ZNF805: variants seen among roughly 807,000 people sequenced by gnomAD.
ZNF805 encodes the protein zinc finger protein 805, also known as CTC-444N24.8.
A neutral mutation model predicts 13.6 loss-of-function variants in ZNF805; 7 were observed. The observed-to-expected ratio is 0.51, with a 90% CI of 0.29 to 0.97. The LOEUF is 0.97. Among genes scored for constraint, ZNF805 ranks in the 50% least tolerant of loss-of-function variants. The probability of loss-of-function intolerance (pLI) is 0.08; values close to 1 mark genes in which losing one functional copy is unlikely to be tolerated. For synonymous variants in ZNF805, 293 were observed against 279.8 expected (o/e 1.05, Z -0.47); for missense variants, 604 against 771.0 (o/e 0.78, Z 2.57).
Position 57,256,775 on chromosome 19 carries a change from C to T in ZNF805, c.*2072C>T, listed in dbSNP as rs1032098051. ...AGCACTTTATATCACTGATTTTTCT[C>T]CAGTCTCTGTTCTTAATTTCACTGA... On this transcript the variant is annotated 3_prime_UTR_variant, in exon 4 of 4. Coordinates refer to ENST00000414468, the MANE Select transcript of ZNF805 (RefSeq NM_001023563.4). 1.3e-5 allele frequency among the ~76,000 whole-genome samples: 2 copies of T among 151,988 alleles called. No individual in the cohort carries two copies. The highest frequency in any genetic ancestry group is 6.6e-5 in the Admixed American group (1 of 15,256).
chr19:57,254,505 T>C lies in ZNF805; in HGVS notation c.1686T>C (p.Thr562=). The C allele has an allele frequency of 6.2e-7, 1 of 1,614,216 alleles. No homozygotes were observed. The change falls in exon 4 of 4, where the codon ACT becomes ACC. Residue 562 remains threonine (T), a synonymous_variant. Coordinates refer to ENST00000414468, the MANE Select transcript of ZNF805 (RefSeq NM_001023563.4). ...SSLTQHQRMH[T]GRNPISVTDV... ...TCACTCAGCATCAAAGGATGCATACTGGGAGAAATCCTATCAGTGTAACAG... is the reference window on the plus strand; with the variant it reads ...TCACTCAGCATCAAAGGATGCATACCGGGAGAAATCCTATCAGTGTAACAG...
chr19:57,262,004 T>C lies in ZNF805; in HGVS notation c.*7301T>C, dbSNP rs554705055. 6.0e-6 allele frequency: 1 copy of C among 165,864 alleles called. No individual in the cohort carries two copies. Among genetic ancestry groups the C allele is most frequent in the Admixed American group, 6.5e-5 (1 of 15,292 alleles). 10.3% of individuals were successfully genotyped at this position (165,864 alleles called of 1,614,324 possible). A position where few individuals can be genotyped will look rare whatever the true frequency, so the allele number is the denominator to read the frequency against. On this transcript the variant is annotated 3_prime_UTR_variant, in exon 4 of 4. Coordinates refer to ENST00000414468, the MANE Select transcript of ZNF805 (RefSeq NM_001023563.4). The stretch of plus-strand genomic sequence containing the variant: ...TTGAGCACCCATTGCTCAGAGTTTA[T>C]ATTGGACTTGCTTTCTAGCACATAC...
intron 2 of ZNF805, 66 bp from the exon 3 acceptor site, chr19:57,248,539 C>G: frequency 7.2e-7 from 1 of 1,379,850 alleles, no homozygotes; most frequent in Non-Finnish European, 1.0e-6. Flanking sequence ...AAGTCCCAGA[C>G]TAGATTGAAG....
chr19:57,243,396 G>T (rs545094974), intron 1 of ZNF805, among the ~76,000 whole-genome samples: 1 of 152,242 alleles, frequency 6.6e-6, no homozygotes, highest in Admixed American at 6.5e-5. Context: ...GTCTGTTATT[G>T]GGAAAATGGG....
intron 2 of ZNF805, among the ~76,000 whole-genome samples, chr19:57,245,641 TG>T (rs2087611597): frequency 6.7e-6 from 1 of 149,570 alleles, no homozygotes; most frequent in African/African-American, 2.5e-5. Flanking sequence ...TAGCCGGGCG[TG>T]GTGGCGGGTG....
chr19:57,252,833 C>G (rs144207151), intron 3 of ZNF805, among the ~76,000 whole-genome samples: 1 of 152,082 alleles, frequency 6.6e-6, no homozygotes, highest in Non-Finnish European at 1.5e-5. Flanking sequence ...GGAATTGAAG[C>G]GATATCTCCA....
chr19:57,247,639 T>G (rs2087627222), intron 2 of ZNF805, among the ~76,000 whole-genome samples: 2 of 152,218 alleles, frequency 1.3e-5, no homozygotes, highest in Non-Finnish European at 2.9e-5. Context: ...AATCTCTGTT[T>G]CCACCAGTAC....
chr19:57,249,473 A>C (rs543651736), intron 3 of ZNF805, among the ~76,000 whole-genome samples: 1 of 152,256 alleles, frequency 6.6e-6, no homozygotes, highest in Non-Finnish European at 1.5e-5. Context: ...TAATCATGTG[A>C]TACATTAATG....
At chr19:57,243,258 T>C (rs1038423249) in intron 1 of ZNF805, among the ~76,000 whole-genome samples, 1 of 152,098 alleles carries the variant, frequency 6.6e-6, no homozygotes, top group African/African-American at 2.4e-5. Flanking sequence ...GGAGAATCTG[T>C]GGAGCTCCCT....
chr19:57,244,244 C>T (rs574955310), intron 2 of ZNF805, among the ~76,000 whole-genome samples, 195 bp downstream of exon 2: 1 of 134,722 alleles, frequency 7.4e-6, no homozygotes, highest in African/African-American at 2.9e-5. Flanking sequence ...TACTCTGTCA[C>T]CCAGGCTGGA....
At position 57,240,659 on chromosome 19, in the gene ZNF805, G is replaced by A. The variant is rs913545667; in HGVS notation, c.-233G>A. Reference sequence around the variant, plus strand: ...TTCCGTCCACGCCGGCTCTAGGGAGGGGGCGGTGTTCCGTGGCCGCCTCCC... The same window carrying A: ...TTCCGTCCACGCCGGCTCTAGGGAGAGGGCGGTGTTCCGTGGCCGCCTCCC... On this transcript the variant is annotated 5_prime_UTR_variant, in exon 1 of 4. Coordinates refer to ENST00000414468, the MANE Select transcript of ZNF805 (RefSeq NM_001023563.4). 23 of 508,390 alleles carry A rather than the reference G, an allele frequency of 4.5e-5. No homozygotes were observed. Among genetic ancestry groups the A allele is most frequent in the South Asian group, 2.9e-5 (1 of 34,280 alleles). 31.5% of individuals were successfully genotyped at this position (508,390 alleles called of 1,614,324 possible). A position where few individuals can be genotyped will look rare whatever the true frequency, so the allele number is the denominator to read the frequency against.
rs1444447330 is a variant in ZNF805, at chr19:57,255,425, G to C, written c.*722G>C. Among the ~76,000 whole-genome samples, 1 of 152,086 alleles carries C rather than the reference G, an allele frequency of 6.6e-6. No homozygotes were observed. Among genetic ancestry groups the C allele is most frequent in the Non-Finnish European group, 1.5e-5 (1 of 67,992 alleles). ...TTGCTTGGATTTTGATAGAAATTGA[G>C]TTAAATCTATAGATCAATGTGTTGG... On this transcript the variant is annotated 3_prime_UTR_variant, in exon 4 of 4. Coordinates refer to ENST00000414468, the MANE Select transcript of ZNF805 (RefSeq NM_001023563.4).
intron 1 of ZNF805, among the ~76,000 whole-genome samples, chr19:57,241,699 C>G (rs537651017): frequency 4.3e-4 from 41 of 95,176 alleles, no homozygotes; most frequent in African/African-American, 1.3e-3. Context: ...CTCCCTGGCT[C>G]AGCCCTTCAG....
In ZNF805 at chr19:57,258,436, G is replaced by GTTTT. The variant is rs1319009256; in HGVS notation, c.*3733_*3734insTTTT. Among the ~76,000 whole-genome samples, 1 of 63,296 alleles carries GTTTT rather than the reference G, an allele frequency of 1.6e-5. No homozygotes were observed. The highest frequency in any genetic ancestry group is 7.2e-5 in the African/African-American group (1 of 13,888). The allele number at this position is 63,296 out of a possible 152,430, so 41.5% of individuals were successfully genotyped here. On this transcript the variant is annotated 3_prime_UTR_variant, in exon 4 of 4. Coordinates refer to ENST00000414468, the MANE Select transcript of ZNF805 (RefSeq NM_001023563.4). The stretch of plus-strand genomic sequence containing the variant: ...TGTTGCTTCTTTCTTGGTTTGTTTG[G>GTTTT]GTTTTTTTTTTTTTGTCTTTAACAT...
intron 3 of ZNF805, among the ~76,000 whole-genome samples, chr19:57,248,909 G>A (rs543758495): frequency 2.0e-5 from 3 of 152,284 alleles, no homozygotes; most frequent in African/African-American, 7.2e-5. Context: ...TGTGAACTGA[G>A]ACTGGTCCTG....
At chr19:57,250,590 C>T (rs1478095436) in intron 3 of ZNF805, among the ~76,000 whole-genome samples, 1 of 152,166 alleles carries the variant, frequency 6.6e-6, no homozygotes, top group Non-Finnish European at 1.5e-5. Context: ...TTAATAGACT[C>T]CCAAAACTTA....
rs918914077 is a variant in ZNF805, at chr19:57,240,682, C to G, written c.-210C>G. Reference sequence around the variant, plus strand: ...AGGGGGCGGTGTTCCGTGGCCGCCTCCCTGGCGGCGCTGGGGAAATGAGCA... The same window carrying G: ...AGGGGGCGGTGTTCCGTGGCCGCCTGCCTGGCGGCGCTGGGGAAATGAGCA... On this transcript the variant is annotated 5_prime_UTR_variant, in exon 1 of 4. Transcript: ENST00000414468. 1 of 524,420 alleles carries G rather than the reference C, an allele frequency of 1.9e-6. No individual in the cohort carries two copies. Among genetic ancestry groups the G allele is most frequent in the South Asian group, 2.8e-5 (1 of 36,226 alleles). The allele number at this position is 524,420 out of a possible 1,614,324, so 32.5% of individuals were successfully genotyped here.
At chr19:57,244,458 G>A (rs1453147729) in intron 2 of ZNF805, among the ~76,000 whole-genome samples, 3 of 151,792 alleles carry the variant, frequency 2.0e-5, no homozygotes, top group South Asian at 2.1e-4. Context: ...TGATCCGCCC[G>A]CCTCGGTCTC....
At chr19:57,247,166 C>T (rs1195433218) in intron 2 of ZNF805, among the ~76,000 whole-genome samples, 6 of 152,072 alleles carry the variant, frequency 3.9e-5, no homozygotes, top group South Asian at 2.1e-4. Flanking sequence ...CGAGCCACTG[C>T]GCTGCTATAT....
Sources: gnomAD v4.1 joint callset for allele counts (sites outside exome capture counted in the v4.1 genomes callset) on GRCh38, gnomAD v4.1.1 for gene constraint, MANE v1.5 for transcripts, NCBI Gene and HGNC (gene_info 2026-07-23, HGNC 2026-07-21) for gene names.